Variants in RXFP1 observed in about 807,000 individuals in gnomAD.
The protein encoded by RXFP1 is relaxin receptor 1.
In RXFP1, 73 loss-of-function variants were observed where a neutral mutation model predicts 89.8. The observed-to-expected ratio is 0.81, with a 90% confidence interval of 0.67 to 0.99. RXFP1 has a LOEUF of 0.99. Among genes scored for constraint, RXFP1 ranks in the 50% least tolerant of loss-of-function variants. RXFP1 has a pLI of 0.00. For missense variants in RXFP1, 793 were observed against 895.5 expected (o/e 0.89, Z 1.46); for synonymous variants, 277 against 305.5 (o/e 0.91, Z 0.97).
At position 158,596,280 on chromosome 4, in the gene RXFP1, T is replaced by G. The variant is rs181786442; in HGVS notation, c.286+2781T>G. On this transcript the variant is annotated intron_variant, in intron 3 of 17. Coordinates refer to ENST00000307765, the MANE Select transcript of RXFP1 (RefSeq NM_021634.4). Reference sequence around the variant, plus strand: ...TTATTTCTTAATTTTTTTTTTTTTTTGAGATGGAATTTCACTCTTGTTGCC... The same window carrying G: ...TTATTTCTTAATTTTTTTTTTTTTTGGAGATGGAATTTCACTCTTGTTGCC... Among the ~76,000 whole-genome samples, 592 of 151,066 alleles carry G rather than the reference T, an allele frequency of 3.9e-3. 2 individuals carry two copies. The highest frequency in any genetic ancestry group is 0.014 in the African/African-American group (562 of 41,318).
At chr4:158,588,292 C>T (rs979790440) in intron 2 of RXFP1, among the ~76,000 whole-genome samples, 1 of 152,134 alleles carries the variant, frequency 6.6e-6, no homozygotes, top group Non-Finnish European at 1.5e-5. Flanking sequence ...ATTGTTCCGC[C>T]GTACTTTAAT....
Position 158,630,306 on chromosome 4 carries a change from T to C in RXFP1, c.899+1597T>C, listed in dbSNP as rs565335296. ...TCAAAAACAAATAGACCCAACCATC[T>C]GTTGTAGCAACTCCTGGCACGTGAT... On this transcript the variant is annotated intron_variant, in intron 11 of 17. Transcript: ENST00000307765. 9.2e-5 allele frequency among the ~76,000 whole-genome samples: 14 copies of C among 152,334 alleles called. No individual in the cohort carries two copies. In the South Asian group the frequency reaches 2.7e-3, roughly 29 times the overall value.
chr4:158,531,522 G>C (rs926599070), intron 1 of RXFP1, among the ~76,000 whole-genome samples: 1 of 152,126 alleles, frequency 6.6e-6, no homozygotes, highest in Non-Finnish European at 1.5e-5. Flanking sequence ...TCCACCCTTC[G>C]GTTTTTGTCC....
intron 1 of RXFP1, among the ~76,000 whole-genome samples, chr4:158,571,796 T>G (rs1225333621): frequency 1.3e-5 from 2 of 152,180 alleles, no homozygotes; most frequent in Non-Finnish European, 2.9e-5. Flanking sequence ...AGCACAGATA[T>G]GCAAGCTGGA....
At chr4:158,607,033 CA>C (rs1207474109) in intron 5 of RXFP1, 13 of 1,511,726 alleles carry the variant, frequency 8.6e-6, no homozygotes, top group Non-Finnish European at 1.2e-5. Context: ...TAACAAATTG[CA>C]TATAAACTTT....
At chr4:158,576,444 A>T (rs974170060) in intron 2 of RXFP1, among the ~76,000 whole-genome samples, 2 of 151,798 alleles carry the variant, frequency 1.3e-5, no homozygotes, top group African/African-American at 4.8e-5. Context: ...TTTATATAAA[A>T]ATTTAAAAAA....
At chr4:158,634,231 G>A (rs1281863934) in intron 12 of RXFP1, among the ~76,000 whole-genome samples, 1 of 152,098 alleles carries the variant, frequency 6.6e-6, no homozygotes, top group Admixed American at 6.6e-5. Context: ...GATGTGAAAT[G>A]GTATCTCACT....
chr4:158,652,263 G>T lies in RXFP1; in HGVS notation c.*208G>T. The T allele has an allele frequency of 2.2e-6, 1 of 461,292 alleles. No individual in the cohort carries two copies. Among genetic ancestry groups the T allele is most frequent in the Non-Finnish European group, 3.8e-6 (1 of 265,520 alleles). The allele number at this position is 461,292 out of a possible 1,614,324, so 28.6% of individuals were successfully genotyped here. ...ATGTATATATATTAGTAGACATTTT[G>T]CATAAGAAATTAAGAGAAATCTACT... is the stretch of plus-strand genomic sequence containing the variant. On this transcript the variant is annotated 3_prime_UTR_variant, in exon 18 of 18. Transcript: ENST00000307765.
intron 1 of RXFP1, among the ~76,000 whole-genome samples, chr4:158,524,021 A>G (rs1339715234): frequency 1.3e-5 from 2 of 152,230 alleles, no homozygotes; most frequent in African/African-American, 4.8e-5. Flanking sequence ...TGTGGTTTTC[A>G]GCAAATGATT....
chr4:158,552,599 C>A (rs147958028), intron 1 of RXFP1, among the ~76,000 whole-genome samples: 1 of 151,962 alleles, frequency 6.6e-6, no homozygotes, highest in African/African-American at 2.4e-5. Context: ...TCCAAGTAGC[C>A]GTGTTTTTGG....
intron 2 of RXFP1, among the ~76,000 whole-genome samples, chr4:158,576,283 A>G (rs1382122301): frequency 6.6e-6 from 1 of 152,146 alleles, no homozygotes; most frequent in African/African-American, 2.4e-5. Flanking sequence ...CATTTTGGCC[A>G]GGCCCAGTGA....
At chr4:158,542,109 A>ATATATATATATATATATTTTTTTTT in intron 1 of RXFP1, among the ~76,000 whole-genome samples, 1 of 35,238 alleles carries the variant, frequency 2.8e-5, no homozygotes, top group Non-Finnish European at 5.6e-5. Flanking sequence ...ATATATATAT[A>ATATATATATATATATATTTTTTTTT]TTTTTTTTTT....
At chr4:158,646,372 C>T in intron 15 of RXFP1, 1 of 632,466 alleles carries the variant, frequency 1.6e-6, no homozygotes, top group South Asian at 1.5e-5. Flanking sequence ...TTATATGACA[C>T]CTTGAGCTTG....
At chr4:158,625,139 G>A (rs1766451664) in intron 9 of RXFP1, among the ~76,000 whole-genome samples, 1 of 152,052 alleles carries the variant, frequency 6.6e-6, no homozygotes, top group Non-Finnish European at 1.5e-5. Context: ...GAAGGAAATG[G>A]CCAGTCCCTG....
chr4:158,566,743 T>C (rs1222650233), intron 1 of RXFP1, among the ~76,000 whole-genome samples: 1 of 152,254 alleles, frequency 6.6e-6, no homozygotes, highest in African/African-American at 2.4e-5. Flanking sequence ...TATGAAAATG[T>C]AGAACTAATT....
At chr4:158,547,253 T>C (rs1748705843) in intron 1 of RXFP1, among the ~76,000 whole-genome samples, 2 of 152,198 alleles carry the variant, frequency 1.3e-5, no homozygotes, top group African/African-American at 4.8e-5. Flanking sequence ...GTTTGTAGTA[T>C]TCTCTGATGG....
intron 2 of RXFP1, among the ~76,000 whole-genome samples, chr4:158,578,784 A>G (rs1756760145): frequency 6.6e-6 from 1 of 151,940 alleles, no homozygotes; most frequent in African/African-American, 2.4e-5. Flanking sequence ...TTAGCACTTT[A>G]GCAGCCTTGT....
At position 158,565,477 on chromosome 4, in the gene RXFP1, C is replaced by G. The variant is rs188001268; in HGVS notation, c.50-7221C>G. The stretch of plus-strand genomic sequence containing the variant: ...TCTTGGCTTCTAAATACCATTCTAC[C>G]CAGAGAGGACCCAGAGCTCCTTAGA... On this transcript the variant is annotated intron_variant, in intron 1 of 17. Coordinates refer to ENST00000307765, the MANE Select transcript of RXFP1 (RefSeq NM_021634.4). Among the ~76,000 whole-genome samples, 14 of 152,028 alleles carry G rather than the reference C, an allele frequency of 9.2e-5. No homozygotes were observed. The East Asian group carries it at 2.7e-3, about 29-fold the overall frequency.
intron 2 of RXFP1, among the ~76,000 whole-genome samples, chr4:158,590,102 G>A (rs191427145): frequency 5.9e-5 from 9 of 152,100 alleles, no homozygotes; most frequent in Admixed American, 3.3e-4. Flanking sequence ...AACTTATACT[G>A]TAACTTAACA....
Sources: allele counts gnomAD v4.1 joint callset (sites outside exome capture counted in the v4.1 genomes callset), GRCh38; gene constraint gnomAD v4.1.1; transcripts MANE v1.5; gene names NCBI Gene and HGNC (gene_info 2026-07-23, HGNC 2026-07-21).